Variants in DMD observed in about 807,000 individuals in gnomAD.
The protein encoded by DMD is dystrophin.
DMD carries 63 observed loss-of-function variants against 330.1 expected under a neutral mutation model. That is an observed-to-expected ratio of 0.19 (90% CI 0.16 to 0.24). DMD has a LOEUF of 0.24. Among genes scored for constraint, DMD ranks in the 10% least tolerant of loss-of-function variants. The pLI, the probability that DMD is intolerant of heterozygous loss-of-function variation, is 1.00. For missense variants in DMD, 3,344 were observed against 2,684.1 expected (o/e 1.25, Z -5.43); for synonymous variants, 1,223 against 959.8 (o/e 1.27, Z -5.07).
intron 13 of DMD, among the ~76,000 whole-genome samples, chrX:32,587,447 G>T (rs2054424954): frequency 8.9e-6 from 1 of 111,885 alleles, no homozygotes. Context: ...AAAATAATTG[G>T]CAGAATGTAG....
intron 41 of DMD, among the ~76,000 whole-genome samples, chrX:32,337,869 T>A (rs978657378): frequency 9.9e-5 from 11 of 111,523 alleles, no homozygotes; most frequent in Non-Finnish European, 1.5e-4. Flanking sequence ...TAAGCTTTTT[T>A]AATAAATGTT....
At chrX:32,395,245 A>C (rs756678540) in intron 30 of DMD, among the ~76,000 whole-genome samples, 1 of 112,130 alleles carries the variant, frequency 8.9e-6, no homozygotes, top group Non-Finnish European at 1.9e-5. Context: ...AGTCAATTTA[A>C]TTCAACAAAT....
intron 55 of DMD, among the ~76,000 whole-genome samples, chrX:31,606,861 G>A (rs1039135236): frequency 3.6e-5 from 4 of 111,549 alleles, no homozygotes; most frequent in African/African-American, 9.8e-5. Flanking sequence ...GACAAAATTC[G>A]TTTTAAGAAC....
At chrX:32,785,747 A>T (rs2148589674) in intron 7 of DMD, among the ~76,000 whole-genome samples, 1 of 111,461 alleles carries the variant, frequency 9.0e-6, no homozygotes, top group East Asian at 2.8e-4. Context: ...TTGTTGGTGA[A>T]AGCAAAATTC....
At chrX:32,620,249 A>G (rs956979698) in intron 11 of DMD, among the ~76,000 whole-genome samples, 9 of 111,881 alleles carry the variant, frequency 8.0e-5, no homozygotes, top group Non-Finnish European at 1.5e-4. Flanking sequence ...AAACCCCAAC[A>G]TGGAACCTGT....
In DMD at chrX:31,191,633, C is replaced by CT. The variant is rs775345941; in HGVS notation, c.9808-8730dup. Reference sequence around the variant, plus strand: ...CTGCTGCCATCCAGGTAAGTTGTGACTTGCTCCTCCTTGCCTTCTGCCATG... The same window carrying CT: ...CTGCTGCCATCCAGGTAAGTTGTGACTTTGCTCCTCCTTGCCTTCTGCCATG... On this transcript the variant is annotated intron_variant, in intron 67 of 78. Transcript: ENST00000357033. Among the ~76,000 whole-genome samples the CT allele has an allele frequency of 6.3e-5, 7 of 111,858 alleles. No homozygotes were observed. In the East Asian group the frequency reaches 1.7e-3, roughly 27 times the overall value.
intron 62 of DMD, among the ~76,000 whole-genome samples, chrX:31,295,183 G>A (rs1407117084): frequency 9.1e-6 from 1 of 109,528 alleles, no homozygotes; most frequent in African/African-American, 3.3e-5. Context: ...TTTTAGTAGA[G>A]ACTGGGTTTC....
At chrX:31,865,915 C>T (rs922669842) in intron 48 of DMD, among the ~76,000 whole-genome samples, 2 of 111,387 alleles carry the variant, frequency 1.8e-5, no homozygotes, top group African/African-American at 6.5e-5. Flanking sequence ...GTGCCTCTTT[C>T]CTCCAGGAGA....
chrX:33,211,500 G>A lies in DMD; in HGVS notation c.-188C>T, dbSNP rs886043394. 1.8e-4 allele frequency: 202 copies of A among 1,092,884 alleles called. No individual in the cohort carries two copies. The highest frequency in any genetic ancestry group is 2.2e-4 in the Non-Finnish European group (184 of 837,958). The allele number at this position is 1,092,884 out of a possible 1,213,427, so 90.1% of individuals were successfully genotyped here. ...TTGCCTCCCAGATCTGAGTCCTGTA[G>A]GGGGAAAGTGAGTGATCCCAACACT... is the stretch of plus-strand genomic sequence containing the variant. On this transcript the variant is annotated 5_prime_UTR_variant, in exon 1 of 79. Coordinates refer to ENST00000357033, the MANE Select transcript of DMD (RefSeq NM_004006.3).
chrX:31,631,635 C>T (rs1457561559), intron 54 of DMD, among the ~76,000 whole-genome samples: 2 of 111,512 alleles, frequency 1.8e-5, no homozygotes, highest in South Asian at 3.8e-4. Flanking sequence ...TCCTTTCCTC[C>T]GCTCACAGGT....
At chrX:32,129,515 C>T (rs193226380) in intron 44 of DMD, among the ~76,000 whole-genome samples, 1 of 110,607 alleles carries the variant, frequency 9.0e-6, no homozygotes, top group African/African-American at 3.3e-5. Flanking sequence ...GAGATCATAA[C>T]GATTGAATCA....
At chrX:32,279,949 CAT>C (rs1204316527) in intron 43 of DMD, among the ~76,000 whole-genome samples, 4 of 47,603 alleles carry the variant, frequency 8.4e-5, no homozygotes, top group Non-Finnish European at 1.4e-4. Flanking sequence ...CATATATACA[CAT>C]ATATATGTGT....
At chrX:31,558,672 G>GTATA (rs199910510) in intron 55 of DMD, among the ~76,000 whole-genome samples, 14 of 108,992 alleles carry the variant, frequency 1.3e-4, no homozygotes, top group East Asian at 5.7e-4. Context: ...ATATGTGTGC[G>GTATA]TATATATATA....
At chrX:31,139,765 C>T (rs1355904492) in intron 76 of DMD, among the ~76,000 whole-genome samples, 1 of 110,995 alleles carries the variant, frequency 9.0e-6, no homozygotes, top group African/African-American at 3.3e-5. Flanking sequence ...GTACACTGCT[C>T]AGGTGATGGA....
chrX:32,247,060 A>G (rs2097242202), intron 43 of DMD, among the ~76,000 whole-genome samples: 2 of 111,900 alleles, frequency 1.8e-5, no homozygotes, highest in Non-Finnish European at 3.8e-5. Flanking sequence ...CAGTTGTTGA[A>G]CCAAGTTTGA....
At chrX:33,033,299 C>T (rs2094145818) in intron 1 of DMD, among the ~76,000 whole-genome samples, 1 of 109,347 alleles carries the variant, frequency 9.1e-6, no homozygotes. Context: ...GTACTAAGAT[C>T]GGTGACAGGA....
intron 21 of DMD, 110 bp downstream of exon 21, chrX:32,484,809 G>T: frequency 1.3e-6 from 1 of 799,351 alleles, no homozygotes; most frequent in Non-Finnish European, 1.8e-6. Flanking sequence ...GTTGTAGGGA[G>T]AATGGTTCCA....
chrX:33,040,026 A>G (rs1274310916), intron 1 of DMD, among the ~76,000 whole-genome samples: 2 of 111,167 alleles, frequency 1.8e-5, no homozygotes, highest in African/African-American at 3.3e-5. Context: ...GGAGCAGGAA[A>G]AAGAAAATAG....
At chrX:32,049,248 G>A (rs184457412) in intron 44 of DMD, among the ~76,000 whole-genome samples, 14 of 111,077 alleles carry the variant, frequency 1.3e-4, no homozygotes, top group African/African-American at 3.3e-5. Flanking sequence ...CAACTGACTC[G>A]TACATTTGTA....
Sources: gnomAD v4.1 joint callset for allele counts (sites outside exome capture counted in the v4.1 genomes callset) on GRCh38, gnomAD v4.1.1 for gene constraint, MANE v1.5 for transcripts, NCBI Gene and HGNC (gene_info 2026-07-23, HGNC 2026-07-21) for gene names.